KCNA2: variants seen among roughly 807,000 people sequenced by gnomAD.
KCNA2 encodes the protein potassium channel, voltage gated shaker related subfamily A, member 2.
In KCNA2, 11 loss-of-function variants were observed where a neutral mutation model predicts 33.4. That is an observed-to-expected ratio of 0.33 (90% CI 0.21 to 0.55). KCNA2 has a LOEUF of 0.55. Ranked by LOEUF, KCNA2 falls within the 20% of genes least tolerant of loss-of-function variation. The pLI is 0.93. For synonymous variants in KCNA2, 222 were observed against 231.3 expected (o/e 0.96, Z 0.37); for missense variants, 291 against 621.6 (o/e 0.47, Z 5.66).
rs1392813727 is a variant in KCNA2 at position 110,603,536 on chromosome 1, A to T, written c.1247T>A (p.Phe416Tyr). 1 of 1,613,978 alleles carries T rather than the reference A, an allele frequency of 6.2e-7. No individual in the cohort carries two copies. Among genetic ancestry groups the T allele is most frequent in the Admixed American group, 1.7e-5 (1 of 60,002 alleles). The change falls in exon 3 of 3, where the codon TTC becomes TAC. Residue 416 changes from phenylalanine (F) to tyrosine (Y), a missense_variant. This residue lies in a region of KCNA2 where 9 missense variants were observed against 77.4 expected (regional missense o/e 0.12). Transcript: ENST00000316361. This position sits in a 1 kb window ranked among gnomAD's most constrained non-coding sequence, Gnocchi z 5.7. Reference protein sequence around the residue: ...VPVIVSNFNYFYHRETEGEEQ... With the variant: ...VPVIVSNFNYYYHRETEGEEQ... ...CTCTCCCTCTGTCTCCCGGTGGTAG[A>T]AGTAGTTGAAATTGGACACAATGAC...
At chr1:110,630,437 C>A (rs1486567354) in intron 1 of KCNA2, among the ~76,000 whole-genome samples, 1 of 152,178 alleles carries the variant, frequency 6.6e-6, no homozygotes, top group Admixed American at 6.5e-5. Flanking sequence ...AAGTCAGAAC[C>A]TACTTGTGGC....
In KCNA2 at chr1:110,596,745, A is replaced by G; in HGVS notation, c.*6538T>C. On this transcript the variant is annotated 3_prime_UTR_variant, in exon 3 of 3. Transcript: ENST00000316361. ...GAACCAGACATGCTTTCCCATTCCCACTCAAATAACCAAAATTGCAAAGCA... is the reference window on the plus strand; with the variant it reads ...GAACCAGACATGCTTTCCCATTCCCGCTCAAATAACCAAAATTGCAAAGCA... 1 of 985,390 alleles carries G rather than the reference A, an allele frequency of 1.0e-6. No homozygotes were observed. Among genetic ancestry groups the G allele is most frequent in the Non-Finnish European group, 1.2e-6 (1 of 829,912 alleles). 61.0% of individuals were successfully genotyped at this position (985,390 alleles called of 1,614,324 possible).
Position 110,595,379 on chromosome 1 carries a change from C to T in KCNA2, c.*7904G>A, listed in dbSNP as rs1239057550. ...ACAGGCCACCTCAACTGCCTCAGTG[C>T]ACCAGCTGGTCATGTCAAGTCTGGG... On this transcript the variant is annotated 3_prime_UTR_variant, in exon 3 of 3. Transcript: ENST00000316361. 3 of 985,308 alleles carry T rather than the reference C, an allele frequency of 3.0e-6. No homozygotes were observed. In the African/African-American group the frequency reaches 5.2e-5, roughly 17 times the overall value. 61.0% of individuals were successfully genotyped at this position (985,308 alleles called of 1,614,324 possible). A position where few individuals can be genotyped will look rare whatever the true frequency, so the allele number is the denominator to read the frequency against.
chr1:110,608,755 C>T (rs1649765123), upstream of KCNA2, among the ~76,000 whole-genome samples: 1 of 152,188 alleles, frequency 6.6e-6, no homozygotes, highest in Non-Finnish European at 1.5e-5. Flanking sequence ...CAGATGGAAA[C>T]GTAACTCCCT....
At chr1:110,616,063 T>A (rs1650039435) in intron 1 of KCNA2, among the ~76,000 whole-genome samples, 1 of 152,228 alleles carries the variant, frequency 6.6e-6, no homozygotes, top group Non-Finnish European at 1.5e-5. Context: ...GGATGTGGTA[T>A]AGGGCTCTCC....
Position 110,598,538 on chromosome 1 carries a change from T to C in KCNA2, c.*4745A>G, listed in dbSNP as rs1649199561. On this transcript the variant is annotated 3_prime_UTR_variant, in exon 3 of 3. Transcript: ENST00000316361. ...AATATAGTGAGAGATCCAGGAAGAA[T>C]AGGTAGAACAAGCTAGTCCTGGGCC... 3 of 985,140 alleles carry C rather than the reference T, an allele frequency of 3.0e-6. No individual in the cohort carries two copies. Among genetic ancestry groups the C allele is most frequent in the Non-Finnish European group, 2.4e-6 (2 of 829,928 alleles). 61.0% of individuals were successfully genotyped at this position (985,140 alleles called of 1,614,324 possible). A position where few individuals can be genotyped will look rare whatever the true frequency, so the allele number is the denominator to read the frequency against.
At chr1:110,611,895 G>T (rs1421512758) in intron 1 of KCNA2, among the ~76,000 whole-genome samples, 1 of 152,048 alleles carries the variant, frequency 6.6e-6, no homozygotes, top group Non-Finnish European at 1.5e-5. Flanking sequence ...GGTGGTGCAT[G>T]CCTGTAGACC....
intron 1 of KCNA2, among the ~76,000 whole-genome samples, chr1:110,612,439 C>T (rs1192330707): frequency 1.3e-5 from 2 of 152,180 alleles, no homozygotes; most frequent in Non-Finnish European, 2.9e-5. Context: ...AACCAGAAGC[C>T]TGGATGTCCT....
upstream of KCNA2, chr1:110,606,932 GA>G (rs1649668177): frequency 6.6e-6 from 1 of 152,550 alleles, no homozygotes; most frequent in Non-Finnish European, 1.5e-5. Context: ...CTATTTACCA[GA>G]CATGGTTATG....
chr1:110,596,774 AGGAT>A lies in KCNA2; in HGVS notation c.*6505_*6508del, dbSNP rs1251922909. 5.1e-6 allele frequency: 5 copies of A among 985,360 alleles called. No individual in the cohort carries two copies. Among genetic ancestry groups the A allele is most frequent in the Non-Finnish European group, 6.0e-6 (5 of 829,954 alleles). The allele number at this position is 985,360 out of a possible 1,614,324, so 61.0% of individuals were successfully genotyped here. ...AAATAACCAAAATTGCAAAGCAATC[AGGAT>A]GTTCCTGTCCCTGAGGTTTCCCCAT... On this transcript the variant is annotated 3_prime_UTR_variant, in exon 3 of 3. Coordinates refer to ENST00000316361, the MANE Select transcript of KCNA2 (RefSeq NM_004974.4).
chr1:110,625,339 A>C (rs889957752), intron 1 of KCNA2, among the ~76,000 whole-genome samples: 46 of 152,216 alleles, frequency 3.0e-4, no homozygotes, highest in Non-Finnish European at 8.8e-5. Flanking sequence ...CTGAGGACAT[A>C]TATAAATTTG....
chr1:110,631,434 T>C (rs572330584), exon 1 of KCNA2: 2 of 152,316 alleles, frequency 1.3e-5, no homozygotes, highest in Non-Finnish European at 2.9e-5. Context: ...GCAGAAGTCT[T>C]GGCGCTGGAA....
In KCNA2 at chr1:110,604,566, G is replaced by A. The variant is rs1570753974; in HGVS notation, c.217C>T (p.Arg73Ter). The change falls in exon 3 of 3, where the codon CGA (arginine) becomes TGA (stop). Residue 73 changes from arginine (R) to a stop codon, truncating the protein, a stop_gained. Transcript: ENST00000316361. LOFTEE classifies it high-confidence loss of function. The surrounding 1 kb of genome is among the most constrained non-coding windows in gnomAD (Gnocchi z 7.6). The part of the protein sequence containing the change: ...KKRMRYFDPL[R>*]NEYFFDRNRP... The stretch of plus-strand genomic sequence containing the variant: ...TTCCGATCGAAAAAGTACTCATTTC[G>A]GAGGGGGTCAAAGTACCTCATTCGT... 6.2e-7 allele frequency: 1 copy of A among 1,614,158 alleles called. No individual in the cohort carries two copies. Among genetic ancestry groups the A allele is most frequent in the Non-Finnish European group, 8.5e-7 (1 of 1,180,022 alleles).
intron 1 of KCNA2, among the ~76,000 whole-genome samples, chr1:110,614,044 T>C (rs1649971937): frequency 6.6e-6 from 1 of 152,238 alleles, no homozygotes; most frequent in African/African-American, 2.4e-5. Context: ...CCTGGAATTA[T>C]CCTTCTTGAA....
chr1:110,600,033 G>A lies in KCNA2; in HGVS notation c.*3250C>T, dbSNP rs1447489625. The stretch of plus-strand genomic sequence containing the variant: ...GAAACCTAGGAGTTACTTCTCAGGA[G>A]TGAAATCTGGTAGTGAGAGAAAAGA... On this transcript the variant is annotated 3_prime_UTR_variant, in exon 3 of 3. Transcript: ENST00000316361. The A allele has an allele frequency of 1.0e-6, 1 of 984,878 alleles. No homozygotes were observed. The highest frequency in any genetic ancestry group is 1.2e-6 in the Non-Finnish European group (1 of 829,906). 61.0% of individuals were successfully genotyped at this position (984,878 alleles called of 1,614,324 possible). A position where few individuals can be genotyped will look rare whatever the true frequency, so the allele number is the denominator to read the frequency against.
At chr1:110,627,552 A>G (rs1650431008) in intron 1 of KCNA2, among the ~76,000 whole-genome samples, 1 of 152,148 alleles carries the variant, frequency 6.6e-6, no homozygotes, top group Non-Finnish European at 1.5e-5. Flanking sequence ...AACGGTTTCC[A>G]GGGCTAGGGC....
intron 1 of KCNA2, among the ~76,000 whole-genome samples, chr1:110,617,914 G>A (rs1650120052): frequency 6.6e-6 from 1 of 152,188 alleles, no homozygotes; most frequent in African/African-American, 2.4e-5. Flanking sequence ...AGGGCAGATG[G>A]CAATGCTGGC....
At chr1:110,611,183 TG>T (rs1278780468), upstream of KCNA2, among the ~76,000 whole-genome samples, 2 of 152,246 alleles carry the variant, frequency 1.3e-5, no homozygotes, top group African/African-American at 4.8e-5. Context: ...AACAGGACTC[TG>T]TTAATGTCAC....
At chr1:110,618,736 T>C (rs1030182260) in intron 1 of KCNA2, among the ~76,000 whole-genome samples, 2 of 151,380 alleles carry the variant, frequency 1.3e-5, no homozygotes, top group Non-Finnish European at 2.9e-5. Flanking sequence ...TCCCTCTGAG[T>C]AGCACCACTC....
Sources: allele counts gnomAD v4.1 joint callset (sites outside exome capture counted in the v4.1 genomes callset), GRCh38; gene constraint gnomAD v4.1.1; regional missense constraint gnomAD v4.1.1; non-coding constraint Gnocchi (gnomAD v3.1); transcripts MANE v1.5; gene names NCBI Gene and HGNC (gene_info 2026-07-23, HGNC 2026-07-21).